The following LAMA2 variants were observed in gnomAD, a reference collection of about 807,000 sequenced individuals.
LAMA2 encodes laminin subunit alpha-2.
In LAMA2, 269 loss-of-function variants were observed where a neutral mutation model predicts 364.8. That is an observed-to-expected ratio of 0.74 (90% confidence interval 0.67 to 0.82). The LOEUF (loss-of-function observed/expected upper bound fraction) is 0.82. Among genes scored for constraint, LAMA2 ranks in the 40% least tolerant of loss-of-function variants. The pLI is 0.00. For missense variants in LAMA2, 3,807 were observed against 3,873.2 expected (o/e 0.98, Z 0.45); for synonymous variants, 1,379 against 1,370.6 (o/e 1.01, Z -0.14).
intron 38 of LAMA2, among the ~76,000 whole-genome samples, chr6:129,401,587 G>A (rs909634864): frequency 8.5e-5 from 13 of 152,178 alleles, no homozygotes; most frequent in Admixed American, 5.2e-4. Context: ...TGTCCACAGC[G>A]ATGAAGGACA....
chr6:129,485,427 TATC>T (rs1168506619), intron 55 of LAMA2, among the ~76,000 whole-genome samples: 4 of 152,368 alleles, frequency 2.6e-5, no homozygotes, highest in Non-Finnish European at 5.9e-5. Flanking sequence ...CTTTATAAAA[TATC>T]ATAGTATATG....
At chr6:129,499,898 T>A (rs1458834732) in intron 58 of LAMA2, among the ~76,000 whole-genome samples, 4 of 151,356 alleles carry the variant, frequency 2.6e-5, no homozygotes, top group African/African-American at 9.8e-5. Flanking sequence ...TTTATTTTTT[T>A]AATTTTTTTG....
rs554091586 is a variant in LAMA2, at chr6:128,896,988, A to T, written c.112+13631A>T. On this transcript the variant is annotated intron_variant, in intron 1 of 64. Coordinates refer to ENST00000421865, the MANE Select transcript of LAMA2 (RefSeq NM_000426.4). ...GTAAGCATGTCTCATGCCTTAATTTATCAAAGGTAGATGCTATTAATCTCA... is the reference window on the plus strand; with the variant it reads ...GTAAGCATGTCTCATGCCTTAATTTTTCAAAGGTAGATGCTATTAATCTCA... 1.5e-3 allele frequency among the ~76,000 whole-genome samples: 228 copies of T among 152,362 alleles called. 2 individuals carry two copies. The highest frequency in any genetic ancestry group is 5.0e-3 in the African/African-American group (210 of 41,592).
intron 1 of LAMA2, among the ~76,000 whole-genome samples, chr6:128,963,881 G>A (rs906528068): frequency 1.3e-5 from 2 of 152,076 alleles, no homozygotes; most frequent in African/African-American, 4.8e-5. Context: ...AGTACATGAA[G>A]AATGCAACTT....
At chr6:129,471,250 T>A (rs1417573984) in intron 51 of LAMA2, among the ~76,000 whole-genome samples, 1 of 151,900 alleles carries the variant, frequency 6.6e-6, no homozygotes, top group African/African-American at 2.4e-5. Flanking sequence ...TTTACTAGCA[T>A]TTCCTGGTAG....
chr6:129,291,707 G>A lies in LAMA2; in HGVS notation c.2843G>A (p.Cys948Tyr). ...ECRANVQGQR[C>Y]DKCKAGTFGL... is the part of the protein sequence containing the mutation. ...AGAGCCAACGTTCAGGGTCAGAGAT[G>A]TGACAAATGCAAGGTAAGGAGTAGA... The change falls in exon 20 of 65, where the codon TGT becomes TAT. Residue 948 changes from cysteine to tyrosine, a missense_variant. By Grantham distance (194) the Cys-to-Tyr change is radical (BLOSUM62 -2). This residue lies in a region of LAMA2 where 3,333 missense variants were observed against 3,345.7 expected (regional missense o/e 1.00). Transcript: ENST00000421865. 6.2e-7 allele frequency: 1 copy of A among 1,612,090 alleles called. No individual in the cohort carries two copies. The highest frequency in any genetic ancestry group is 8.5e-7 in the Non-Finnish European group (1 of 1,178,150).
intron 28 of LAMA2, among the ~76,000 whole-genome samples, chr6:129,326,047 C>T (rs562660086): frequency 6.6e-6 from 1 of 152,206 alleles, no homozygotes; most frequent in African/African-American, 2.4e-5. Flanking sequence ...ACCATGTTGG[C>T]CAGGCTGGTC....
chr6:129,190,640 G>T (rs1312060945), intron 11 of LAMA2, among the ~76,000 whole-genome samples: 1 of 152,248 alleles, frequency 6.6e-6, no homozygotes, highest in South Asian at 2.1e-4. Flanking sequence ...AAGGGTGCAT[G>T]ATTTAAGAGA....
At chr6:128,987,318 A>C (rs577321294) in intron 1 of LAMA2, among the ~76,000 whole-genome samples, 1 of 150,524 alleles carries the variant, frequency 6.6e-6, no homozygotes, top group Non-Finnish European at 1.5e-5. Context: ...TTTTTTTCGC[A>C]TTTTTGGTAG....
At chr6:129,441,127 T>TA in intron 43 of LAMA2, 129 bp downstream of exon 43, 1 of 824,894 alleles carries the variant, frequency 1.2e-6, no homozygotes, top group Non-Finnish European at 2.0e-6. Flanking sequence ...CTTTCATAGA[T>TA]TGGCCTCAGA....
chr6:128,904,980 A>T (rs1182638773), intron 1 of LAMA2, among the ~76,000 whole-genome samples: 6 of 152,202 alleles, frequency 3.9e-5, no homozygotes, highest in Non-Finnish European at 7.3e-5. Context: ...GCCAATTTTA[A>T]TCAATGGAGA....
At chr6:128,911,346 G>GT (rs1188622648) in intron 1 of LAMA2, among the ~76,000 whole-genome samples, 1 of 152,170 alleles carries the variant, frequency 6.6e-6, no homozygotes, top group Non-Finnish European at 1.5e-5. Context: ...GTGGTTCGCC[G>GT]TTTTTTAAGC....
At chr6:129,386,015 T>A (rs1337751532) in intron 35 of LAMA2, among the ~76,000 whole-genome samples, 1 of 152,180 alleles carries the variant, frequency 6.6e-6, no homozygotes, top group Non-Finnish European at 1.5e-5. Flanking sequence ...TAGGATGCAC[T>A]GCATTGAACG....
At chr6:129,496,934 T>TGCAAA (rs1466814042) in intron 58 of LAMA2, among the ~76,000 whole-genome samples, 1 of 152,258 alleles carries the variant, frequency 6.6e-6, no homozygotes, top group African/African-American at 2.4e-5. Flanking sequence ...ATACATTTTA[T>TGCAAA]GCAAAGCACC....
rs547981398 is a variant in LAMA2 at position 129,422,707 on chromosome 6, A to G, written c.5866-5045A>G. On this transcript the variant is annotated intron_variant, in intron 40 of 64. Transcript: ENST00000421865. ...TTAGAGAATTTAATTTGTAGTTCAA[A>G]ACCTTCACACACACAAATTCAGTTC... Among the ~76,000 whole-genome samples the G allele has an allele frequency of 6.3e-4, 96 of 152,268 alleles. No individual in the cohort carries two copies. The South Asian group carries it at 0.011, about 17-fold the overall frequency.
At position 129,396,032 on chromosome 6, in the gene LAMA2, C is replaced by A. The variant is rs116007194; in HGVS notation, c.5445+2777C>A. On this transcript the variant is annotated intron_variant, in intron 37 of 64. Transcript: ENST00000421865. ...AGGAATTGGTTTTTATCCTGAGAGC[C>A]ATAGGAAGCAATTGAAATATTGCAG... is the stretch of plus-strand genomic sequence containing the variant. Among the ~76,000 whole-genome samples, 1,026 of 152,202 alleles carry A rather than the reference C, an allele frequency of 6.7e-3. 22 individuals carry two copies. Among genetic ancestry groups the A allele is most frequent in the African/African-American group, 0.024 (986 of 41,518 alleles).
intron 58 of LAMA2, among the ~76,000 whole-genome samples, chr6:129,498,045 C>T (rs1017850396): frequency 9.9e-5 from 15 of 152,260 alleles, no homozygotes; most frequent in Non-Finnish European, 1.5e-4. Flanking sequence ...CATGTGGAAA[C>T]GTGACAAGTT....
chr6:128,971,910 CAA>C (rs1308057677), intron 1 of LAMA2, among the ~76,000 whole-genome samples: 4 of 152,216 alleles, frequency 2.6e-5, no homozygotes, highest in African/African-American at 9.6e-5. Flanking sequence ...GGCTCTCATT[CAA>C]AGAGGCAGGT....
At chr6:129,281,791 T>G (rs1469261222) in intron 18 of LAMA2, among the ~76,000 whole-genome samples, 1 of 152,202 alleles carries the variant, frequency 6.6e-6, no homozygotes, top group Non-Finnish European at 1.5e-5. Context: ...GAATGGCATA[T>G]TTTATCTCCA....
Sources: allele counts gnomAD v4.1 joint callset (sites outside exome capture counted in the v4.1 genomes callset), GRCh38; gene constraint gnomAD v4.1.1; regional missense constraint gnomAD v4.1.1; transcripts MANE v1.5; gene names NCBI Gene and HGNC (gene_info 2026-07-23, HGNC 2026-07-21).